Variants in PPP3CA observed in about 807,000 individuals in gnomAD.
PPP3CA encodes CAM-PRP catalytic subunit.
In PPP3CA, 14 loss-of-function variants were observed where a neutral mutation model predicts 66.5. That is an observed-to-expected ratio of 0.21 (90% CI 0.14 to 0.33). PPP3CA has a LOEUF of 0.33. Ranked by LOEUF, PPP3CA falls within the 10% of genes least tolerant of loss-of-function variation. The pLI is 1.00. For missense variants in PPP3CA, 317 were observed against 639.5 expected, an observed-to-expected ratio of 0.50 and a Z score of 5.44; for synonymous variants, 232 against 226.2, an observed-to-expected ratio of 1.03 and a Z score of -0.23.
intron 1 of PPP3CA, chr4:101,250,192 CACTT>C: frequency 4.4e-6 from 1 of 226,572 alleles, no homozygotes; most frequent in Non-Finnish European, 9.0e-6. Context: ...TAAGAACTGT[CACTT>C]AAATAAGTTA....
At chr4:101,271,898 C>T (rs1305538829) in intron 1 of PPP3CA, among the ~76,000 whole-genome samples, 1 of 152,180 alleles carries the variant, frequency 6.6e-6, no homozygotes, top group Non-Finnish European at 1.5e-5. Flanking sequence ...GTCTATGTTG[C>T]TCACTGCTAC....
intron 2 of PPP3CA, among the ~76,000 whole-genome samples, chr4:101,121,571 A>G (rs1722031739): frequency 6.6e-6 from 1 of 152,146 alleles, no homozygotes; most frequent in East Asian, 1.9e-4. Flanking sequence ...AAAACGTTCT[A>G]AAACTCTAAA....
At chr4:101,178,843 C>T (rs1414487121) in intron 2 of PPP3CA, among the ~76,000 whole-genome samples, 2 of 152,028 alleles carry the variant, frequency 1.3e-5, no homozygotes, top group East Asian at 1.9e-4. Flanking sequence ...GTTACTATTG[C>T]CCCTCTTGTC....
intron 2 of PPP3CA, among the ~76,000 whole-genome samples, chr4:101,174,113 AAACT>A (rs1308017925): frequency 1.3e-5 from 2 of 151,902 alleles, no homozygotes; most frequent in Non-Finnish European, 1.5e-5. Context: ...CCAGAAAAAC[AAACT>A]AACAAAAAAA....
intron 1 of PPP3CA, among the ~76,000 whole-genome samples, chr4:101,258,753 C>T (rs1726921163): frequency 6.6e-6 from 1 of 152,080 alleles, no homozygotes; most frequent in Non-Finnish European, 1.5e-5. Flanking sequence ...GTAAGCCTGG[C>T]TCTTCTCTCA....
chr4:101,046,406 A>T (rs1446684990), intron 10 of PPP3CA, among the ~76,000 whole-genome samples: 1 of 152,210 alleles, frequency 6.6e-6, no homozygotes, highest in Non-Finnish European at 1.5e-5. Context: ...ATTGATCATT[A>T]TATCGGCCAT....
chr4:101,295,338 A>G (rs1172904295), intron 1 of PPP3CA, among the ~76,000 whole-genome samples: 1 of 150,882 alleles, frequency 6.6e-6, no homozygotes, highest in Non-Finnish European at 1.5e-5. Context: ...AAAAGAAAGT[A>G]TATTCACTCA....
chr4:101,049,072 C>T (rs1484964945), intron 10 of PPP3CA, among the ~76,000 whole-genome samples: 4 of 152,122 alleles, frequency 2.6e-5, no homozygotes, highest in Admixed American at 2.6e-4. Context: ...AATGGACAGA[C>T]TACACTCAAA....
intron 12 of PPP3CA, 94 bp downstream of exon 12, chr4:101,032,173 A>C (rs1477558259): frequency 2.0e-6 from 2 of 996,138 alleles, no homozygotes; most frequent in African/African-American, 3.4e-5. Context: ...ACCGAAGACC[A>C]AGACAGAGCT....
Position 101,203,301 on chromosome 4 carries a change from C to T in PPP3CA, c.59-7185G>A, listed in dbSNP as rs183419509. Among the ~76,000 whole-genome samples the T allele has an allele frequency of 9.5e-4, 145 of 152,274 alleles. 2 individuals carry two copies. The highest frequency in any genetic ancestry group is 3.3e-3 in the African/African-American group (139 of 41,554). The stretch of plus-strand genomic sequence containing the variant: ...CACGAGGTCAAGAGATCGAGACCAT[C>T]CTGGCCAATATGGTAAAACCCTGTC... On this transcript the variant is annotated intron_variant, in intron 1 of 13. Transcript: ENST00000394854.
In PPP3CA at chr4:101,023,836, T is replaced by TACAA. The variant is rs1190572168; in HGVS notation, c.*2025_*2028dup. On this transcript the variant is annotated 3_prime_UTR_variant, in exon 14 of 14. Coordinates refer to ENST00000394854, the MANE Select transcript of PPP3CA (RefSeq NM_000944.5). ...AAAGTGCACTAAAGATGAACAATGT[T>TACAA]ACAAACAAACTGAAATTTGGTGTAT... is the stretch of plus-strand genomic sequence containing the variant. 6.6e-6 allele frequency: 1 copy of TACAA among 152,654 alleles called. No homozygotes were observed. Among genetic ancestry groups the TACAA allele is most frequent in the Non-Finnish European group, 1.5e-5 (1 of 68,020 alleles). The allele number at this position is 152,654 out of a possible 1,614,324, so 9.5% of individuals were successfully genotyped here.
intron 1 of PPP3CA, among the ~76,000 whole-genome samples, chr4:101,284,408 T>A (rs1333136376): frequency 6.6e-6 from 1 of 152,164 alleles, no homozygotes; most frequent in Non-Finnish European, 1.5e-5. Flanking sequence ...TAATTCAATT[T>A]TCTGGTTTTT....
chr4:101,210,076 T>G (rs1449769106), intron 1 of PPP3CA, among the ~76,000 whole-genome samples: 2 of 152,136 alleles, frequency 1.3e-5, no homozygotes, highest in Admixed American at 1.3e-4. Flanking sequence ...ATTTAATAGA[T>G]TCTCAAAAGA....
intron 2 of PPP3CA, among the ~76,000 whole-genome samples, chr4:101,111,326 T>G (rs1721662756): frequency 6.6e-6 from 1 of 152,200 alleles, no homozygotes; most frequent in Non-Finnish European, 1.5e-5. Flanking sequence ...ACGAATTTTA[T>G]GCAGCCCTTC....
At chr4:101,240,864 A>G (rs1313239956) in intron 1 of PPP3CA, 1 of 152,090 alleles carries the variant, frequency 6.6e-6, no homozygotes, top group Admixed American at 6.6e-5. Context: ...CAGGAATGTA[A>G]GCAAGATGAT....
chr4:101,094,876 T>C (rs1283313914), intron 5 of PPP3CA, among the ~76,000 whole-genome samples: 1 of 152,158 alleles, frequency 6.6e-6, no homozygotes, highest in African/African-American at 2.4e-5. Context: ...AAGCATGCAA[T>C]AGCTTTGAAA....
chr4:101,054,120 GT>G lies in PPP3CA; in HGVS notation c.1156+6966del, dbSNP rs572027760. The stretch of plus-strand genomic sequence containing the variant: ...TATTTTCTTTTGTATATCTAAATGG[GT>G]TTTTTTTCTATTTTTTATATTAAAG... On this transcript the variant is annotated intron_variant, in intron 10 of 13. Transcript: ENST00000394854. Among the ~76,000 whole-genome samples the G allele has an allele frequency of 9.2e-5, 14 of 151,430 alleles. No homozygotes were observed. In the South Asian group the frequency reaches 2.1e-3, roughly 23 times the overall value.
Position 101,140,505 on chromosome 4 carries a change from CT to C in PPP3CA, c.260-31428del, listed in dbSNP as rs563758510. On this transcript the variant is annotated intron_variant, in intron 2 of 13. Coordinates refer to ENST00000394854, the MANE Select transcript of PPP3CA (RefSeq NM_000944.5). ...CATGCAATATTAGGCCTTGAGGACA[CT>C]TTCTTTTCCCCTCTTCTTTCCTTTA... is the stretch of plus-strand genomic sequence containing the variant. Among the ~76,000 whole-genome samples the C allele has an allele frequency of 1.3e-4, 20 of 152,264 alleles. No individual in the cohort carries two copies. The East Asian group carries it at 3.7e-3, about 28-fold the overall frequency.
chr4:101,174,960 T>C (rs1724010675), intron 2 of PPP3CA, among the ~76,000 whole-genome samples: 1 of 152,122 alleles, frequency 6.6e-6, no homozygotes, highest in Non-Finnish European at 1.5e-5. Context: ...ACTATGGCTA[T>C]AAAGGGGTGT....
Sources: allele counts gnomAD v4.1 joint callset (sites outside exome capture counted in the v4.1 genomes callset), GRCh38; gene constraint gnomAD v4.1.1; transcripts MANE v1.5; gene names NCBI Gene and HGNC (gene_info 2026-07-23, HGNC 2026-07-21).